ZNF136: variants seen among roughly 807,000 people sequenced by gnomAD.
ZNF136 encodes the protein zinc finger protein 136 (clone pHZ-20).
Under a neutral mutation model 11.4 loss-of-function variants are expected in ZNF136, and 8 were observed. That is an observed-to-expected ratio of 0.70 (90% CI 0.41 to 1.27). ZNF136 has a LOEUF of 1.27. Ranked by LOEUF, ZNF136 falls within the 50% of genes most tolerant of loss-of-function variation. The pLI is 0.01. For synonymous variants in ZNF136, 190 were observed against 207.1 expected (o/e 0.92, Z 0.71); for missense variants, 590 against 656.5 (o/e 0.90, Z 1.11).
Position 12,163,199 on chromosome 19 carries a change from A to G in ZNF136, c.-5A>G. 7.1e-7 allele frequency: 1 copy of G among 1,403,092 alleles called. No individual in the cohort carries two copies. Among genetic ancestry groups the G allele is most frequent in the Non-Finnish European group, 9.3e-7 (1 of 1,072,370 alleles). The allele number at this position is 1,403,092 out of a possible 1,614,324, so 86.9% of individuals were successfully genotyped here. A position where few individuals can be genotyped will look rare whatever the true frequency, so the allele number is the denominator to read the frequency against. On this transcript the variant is annotated 5_prime_UTR_variant, in exon 1 of 4. Transcript: ENST00000343979. ...GAGGAAGCTGGGACACCCGGGAGTCAGGAAATGGTGAGTGTGTCGGGCCCT... is the reference window on the plus strand; with the variant it reads ...GAGGAAGCTGGGACACCCGGGAGTCGGGAAATGGTGAGTGTGTCGGGCCCT...
intron 1 of ZNF136, among the ~76,000 whole-genome samples, chr19:12,170,630 A>G (rs1914630533): frequency 6.6e-6 from 1 of 151,086 alleles, no homozygotes; most frequent in South Asian, 2.1e-4. Context: ...CACTGGGATT[A>G]TAGGCATGAG....
intron 1 of ZNF136, among the ~76,000 whole-genome samples, chr19:12,172,193 C>T (rs951949879): frequency 1.1e-4 from 17 of 152,134 alleles, no homozygotes; most frequent in Middle Eastern, 3.4e-3. Flanking sequence ...AAGTGATCTA[C>T]TTGCCTTGGC....
chr19:12,183,394 C>T (rs182074483), intron 1 of ZNF136, among the ~76,000 whole-genome samples: 63 of 152,212 alleles, frequency 4.1e-4, no homozygotes, highest in Admixed American at 9.2e-4. Context: ...CCTTGGCCTC[C>T]CGAAGTGCTG....
At chr19:12,177,811 A>C (rs1266289454) in intron 1 of ZNF136, among the ~76,000 whole-genome samples, 1 of 152,192 alleles carries the variant, frequency 6.6e-6, no homozygotes, top group Non-Finnish European at 1.5e-5. Context: ...TCCTTTGCCC[A>C]TTTGAAAAAT....
At chr19:12,168,057 CTTTT>C (rs386388563) in intron 1 of ZNF136, among the ~76,000 whole-genome samples, 17 of 71,136 alleles carry the variant, frequency 2.4e-4, no homozygotes, top group South Asian at 1.2e-3. Context: ...TTTTCTTTTT[CTTTT>C]TTTTTTTTTT....
chr19:12,168,625 G>A (rs1413535623), intron 1 of ZNF136, among the ~76,000 whole-genome samples: 1 of 151,916 alleles, frequency 6.6e-6, no homozygotes, highest in East Asian at 1.9e-4. Context: ...CCTTCCAGGG[G>A]ACCCCCACTT....
chr19:12,185,582 T>C (rs1568403765), intron 1 of ZNF136: 2 of 546,026 alleles, frequency 3.7e-6, no homozygotes, highest in East Asian at 3.6e-5. Flanking sequence ...CCAAGAAAGA[T>C]GATCAGACAC....
chr19:12,175,566 C>G (rs1249497375), intron 1 of ZNF136, among the ~76,000 whole-genome samples: 1 of 152,160 alleles, frequency 6.6e-6, no homozygotes, highest in African/African-American at 2.4e-5. Context: ...TTCCCTTATG[C>G]CCCCTATTCC....
At chr19:12,167,086 C>T (rs1977197297) in intron 1 of ZNF136, among the ~76,000 whole-genome samples, 1 of 152,190 alleles carries the variant, frequency 6.6e-6, no homozygotes, top group South Asian at 2.1e-4. Context: ...AGACCTAGAT[C>T]AGAACATGTT....
intron 1 of ZNF136, among the ~76,000 whole-genome samples, chr19:12,175,244 G>C (rs1568400022): frequency 6.6e-6 from 1 of 151,714 alleles, no homozygotes; most frequent in African/African-American, 2.4e-5. Flanking sequence ...ACCCAGGCTG[G>C]AGTGCAGTGA....
chr19:12,170,858 G>A lies in ZNF136; in HGVS notation c.3+7652G>A, dbSNP rs540683712. On this transcript the variant is annotated intron_variant, in intron 1 of 3. Transcript: ENST00000343979. Reference sequence around the variant, plus strand: ...CTAATTTTTTTTTTTTTTTTGAGACGGAGTTTCACTCTTGTTGCCCAGTCT... The same window carrying A: ...CTAATTTTTTTTTTTTTTTTGAGACAGAGTTTCACTCTTGTTGCCCAGTCT... 3.4e-5 allele frequency among the ~76,000 whole-genome samples: 5 copies of A among 146,828 alleles called. No homozygotes were observed. In the East Asian group the frequency reaches 1.0e-3, roughly 29 times the overall value.
At chr19:12,177,714 A>G (rs538971939) in intron 1 of ZNF136, among the ~76,000 whole-genome samples, 3 of 152,264 alleles carry the variant, frequency 2.0e-5, no homozygotes, top group East Asian at 1.9e-4. Context: ...TTTAGTTTGC[A>G]TTTCCCTAAT....
rs759404455 is a variant in ZNF136 at position 12,188,021 on chromosome 19, A to G, written c.*20A>G. The G allele has an allele frequency of 3.0e-5, 44 of 1,480,136 alleles. 1 individual carries two copies. The South Asian group carries it at 5.9e-4, about 20-fold the overall frequency. 91.7% of individuals were successfully genotyped at this position (1,480,136 alleles called of 1,614,324 possible). On this transcript the variant is annotated 3_prime_UTR_variant, in exon 4 of 4. Transcript: ENST00000343979. ...CTTTAATGCTCTGGGTTCATGTCAGATACATTAAAATACTCACTGAAGAGA... is the reference window on the plus strand; with the variant it reads ...CTTTAATGCTCTGGGTTCATGTCAGGTACATTAAAATACTCACTGAAGAGA...
rs537828144 is a variant in ZNF136 at position 12,188,871 on chromosome 19, A to G, written c.*870A>G. 21 of 152,222 alleles carry G rather than the reference A, an allele frequency of 1.4e-4. No homozygotes were observed. The highest frequency in any genetic ancestry group is 2.9e-4 in the Non-Finnish European group (20 of 68,040). The allele number at this position is 152,222 out of a possible 1,614,324, so 9.4% of individuals were successfully genotyped here. ...GTAAGTACTTCAAAAAGCCTCATGCATAGCGGGTCATGTAGTCTCTAGAAA... is the reference window on the plus strand; with the variant it reads ...GTAAGTACTTCAAAAAGCCTCATGCGTAGCGGGTCATGTAGTCTCTAGAAA... On this transcript the variant is annotated 3_prime_UTR_variant, in exon 4 of 4. Coordinates refer to ENST00000343979, the MANE Select transcript of ZNF136 (RefSeq NM_003437.5).
chr19:12,173,517 C>T (rs893123097), intron 1 of ZNF136, among the ~76,000 whole-genome samples: 5 of 152,118 alleles, frequency 3.3e-5, no homozygotes, highest in South Asian at 2.1e-4. Context: ...ATGCCAGGAG[C>T]GAGTCATACT....
intron 1 of ZNF136, among the ~76,000 whole-genome samples, chr19:12,170,625 G>T (rs1311317752): frequency 6.6e-6 from 1 of 151,512 alleles, no homozygotes; most frequent in Admixed American, 6.6e-5. Context: ...CTCAGCACTG[G>T]GATTATAGGC....
chr19:12,165,266 G>GGT (rs981429997), intron 1 of ZNF136, among the ~76,000 whole-genome samples: 2 of 152,126 alleles, frequency 1.3e-5, no homozygotes, highest in African/African-American at 4.8e-5. Flanking sequence ...GCACTATGGG[G>GGT]GTAGAGGGAT....
In ZNF136 at chr19:12,186,935, ACAT is replaced by A; in HGVS notation, c.563_565del (p.Ile188del). ...TTTTCTCTCAAAAGAATTAGAAGAC[ACAT>A]CATCACACACAGTGGATATACACCA... On this transcript the variant is annotated inframe_deletion, in exon 4 of 4. Transcript: ENST00000343979. 6.2e-7 allele frequency: 1 copy of A among 1,614,108 alleles called. No homozygotes were observed. Among genetic ancestry groups the A allele is most frequent in the Non-Finnish European group, 8.5e-7 (1 of 1,180,022 alleles).
intron 1 of ZNF136, among the ~76,000 whole-genome samples, chr19:12,179,303 C>CTT (rs908778785): frequency 1.4e-5 from 2 of 141,408 alleles, no homozygotes; most frequent in Admixed American, 7.2e-5. Flanking sequence ...AAAAGAATTT[C>CTT]TTTTTTTTTT....
Sources: allele counts gnomAD v4.1 joint callset (sites outside exome capture counted in the v4.1 genomes callset), GRCh38; gene constraint gnomAD v4.1.1; transcripts MANE v1.5; gene names NCBI Gene and HGNC (gene_info 2026-07-23, HGNC 2026-07-21).